CFAP206: variants seen among roughly 807,000 people sequenced by gnomAD.
CFAP206 encodes the protein cilia- and flagella-associated protein 206.
CFAP206 carries 53 observed loss-of-function variants against 65.4 expected under a neutral mutation model. That is an observed-to-expected ratio of 0.81 (90% CI 0.65 to 1.02). CFAP206 has a LOEUF of 1.02. Among genes scored for constraint, CFAP206 ranks in the 50% least tolerant of loss-of-function variants. CFAP206 has a pLI of 0.00. For synonymous variants in CFAP206, 250 were observed against 254.4 expected (o/e 0.98, Z 0.17); for missense variants, 663 against 753.2 (o/e 0.88, Z 1.40).
At chr6:87,440,589 G>T (rs147266294) in intron 11 of CFAP206, among the ~76,000 whole-genome samples, 13 of 152,242 alleles carry the variant, frequency 8.5e-5, no homozygotes, top group African/African-American at 3.1e-4. Flanking sequence ...TATGCAAAAT[G>T]AACAATTGCA....
At chr6:87,460,829 T>A (rs1480353513) in intron 11 of CFAP206, among the ~76,000 whole-genome samples, 193 bp from the exon 12 acceptor site, 1 of 152,156 alleles carries the variant, frequency 6.6e-6, no homozygotes, top group Admixed American at 6.5e-5. Flanking sequence ...CACGAAGCCA[T>A]AATTCCCAGA....
intron 9 of CFAP206, among the ~76,000 whole-genome samples, chr6:87,429,240 A>G (rs1403460230): frequency 6.6e-6 from 1 of 152,136 alleles, no homozygotes; most frequent in Non-Finnish European, 1.5e-5. Flanking sequence ...AAGAAAAAAA[A>G]AAAAAAAGCA....
chr6:87,440,820 T>G (rs1768349493), intron 11 of CFAP206, among the ~76,000 whole-genome samples: 1 of 152,204 alleles, frequency 6.6e-6, no homozygotes, highest in South Asian at 2.1e-4. Context: ...TTTTGGGTGG[T>G]ACTTGGAGAA....
rs1362997552 is a variant in CFAP206 at position 87,408,079 on chromosome 6, T to G, written c.-16T>G. ...AGACAGACACGGCTCCTGCTGTCGA[T>G]TCCGATCCAGGTCAGCCTACTCGGG... On this transcript the variant is annotated 5_prime_UTR_variant, in exon 1 of 13. Coordinates refer to ENST00000369562, the MANE Select transcript of CFAP206 (RefSeq NM_001031743.3). The G allele has an allele frequency of 1.0e-6, 1 of 985,288 alleles. No homozygotes were observed. Among genetic ancestry groups the G allele is most frequent in the Non-Finnish European group, 1.2e-6 (1 of 829,934 alleles). The allele number at this position is 985,288 out of a possible 1,614,324, so 61.0% of individuals were successfully genotyped here. A position where few individuals can be genotyped will look rare whatever the true frequency, so the allele number is the denominator to read the frequency against.
intron 11 of CFAP206, among the ~76,000 whole-genome samples, chr6:87,455,070 A>G (rs1465834055): frequency 1.3e-5 from 2 of 151,552 alleles, no homozygotes; most frequent in Admixed American, 1.3e-4. Context: ...TTACAGGCAT[A>G]CACCACCATG....
intron 11 of CFAP206, among the ~76,000 whole-genome samples, chr6:87,457,340 AAAGACCCTG>A (rs1768665200): frequency 6.6e-6 from 1 of 152,168 alleles, no homozygotes; most frequent in Admixed American, 6.5e-5. Flanking sequence ...TGGAACCACA[AAAGACCCTG>A]AATAGCCAAA....
intron 8 of CFAP206, among the ~76,000 whole-genome samples, chr6:87,427,219 G>A (rs1768057543): frequency 6.6e-6 from 1 of 152,106 alleles, no homozygotes; most frequent in African/African-American, 2.4e-5. Context: ...CTCACTGCAA[G>A]CTCCGCCTCC....
intron 5 of CFAP206, 41 bp from the exon 6 acceptor site, chr6:87,416,628 A>G (rs1170770634): frequency 1.3e-6 from 2 of 1,534,950 alleles, no homozygotes; most frequent in East Asian, 2.3e-5. Context: ...TCTTTATTCT[A>G]TCATTTTGTT....
At chr6:87,453,678 T>C (rs1449319644) in intron 11 of CFAP206, among the ~76,000 whole-genome samples, 3 of 152,132 alleles carry the variant, frequency 2.0e-5, no homozygotes, top group Admixed American at 2.0e-4. Flanking sequence ...TTTAAAATAA[T>C]GGGTTATAAG....
intron 7 of CFAP206, among the ~76,000 whole-genome samples, chr6:87,422,575 C>G (rs2127949730): frequency 6.6e-6 from 1 of 151,234 alleles, no homozygotes; most frequent in Non-Finnish European, 1.5e-5. Flanking sequence ...GATGGTGAAA[C>G]CCCGTCTCTA....
chr6:87,454,447 A>T (rs1341837060), intron 11 of CFAP206, among the ~76,000 whole-genome samples: 16 of 152,224 alleles, frequency 1.1e-4, no homozygotes, highest in African/African-American at 3.9e-4. Flanking sequence ...TCCTTAGCAC[A>T]TGGATCAGTC....
Position 87,464,197 on chromosome 6 carries a change from G to A in CFAP206, c.1816G>A (p.Glu606Lys), listed in dbSNP as rs1405987812. The change falls in exon 13 of 13, where the codon GAA (glutamate) becomes AAA (lysine). Residue 606 changes from glutamate to lysine, a missense_variant. Physicochemically the swap from Glu to Lys is moderately conservative, Grantham distance 56. Coordinates refer to ENST00000369562, the MANE Select transcript of CFAP206 (RefSeq NM_001031743.3). ...YLAGLRGGKS[E>K]ITDEVKVNLT... The stretch of plus-strand genomic sequence containing the variant: ...GGCTGGTCTTCGTGGAGGAAAGAGC[G>A]AAATCACCGATGAGGTCAAGGTGAA... 7 of 1,614,068 alleles carry A rather than the reference G, an allele frequency of 4.3e-6. No homozygotes were observed. The highest frequency in any genetic ancestry group is 3.3e-5 in the Admixed American group (2 of 60,002).
intron 7 of CFAP206, among the ~76,000 whole-genome samples, chr6:87,420,900 TCAAA>T (rs951671514): frequency 6.6e-5 from 10 of 152,242 alleles, no homozygotes; most frequent in Admixed American, 2.0e-4. Context: ...GATTCTCTGC[TCAAA>T]CAGTCTTTTT....
chr6:87,461,792 C>A (rs1366870977), intron 12 of CFAP206, among the ~76,000 whole-genome samples: 1 of 151,990 alleles, frequency 6.6e-6, no homozygotes, highest in Non-Finnish European at 1.5e-5. Flanking sequence ...TGGAAATAAA[C>A]AATGCCTACC....
In CFAP206 at chr6:87,432,125, G is replaced by A. The variant is rs1768169713; in HGVS notation, c.1300+952G>A. Among the ~76,000 whole-genome samples the A allele has an allele frequency of 3.9e-5, 6 of 151,962 alleles. No individual in the cohort carries two copies. In the South Asian group the frequency reaches 1.2e-3, roughly 32 times the overall value. On this transcript the variant is annotated intron_variant, in intron 10 of 12. Transcript: ENST00000369562. ...AAGATTGTGTCTTAATTTACTTTAC[G>A]CCATTAACCTTATTTTTCTTCTTTC...
intron 3 of CFAP206, among the ~76,000 whole-genome samples, chr6:87,412,305 C>T (rs1014276507): frequency 2.0e-5 from 3 of 152,026 alleles, no homozygotes; most frequent in African/African-American, 7.3e-5. Context: ...GTGTCCAATC[C>T]TCAGTCTTGC....
intron 6 of CFAP206, among the ~76,000 whole-genome samples, chr6:87,417,738 T>C (rs1305113291): frequency 6.6e-6 from 1 of 150,512 alleles, no homozygotes; most frequent in African/African-American, 2.5e-5. Flanking sequence ...ATCTTTTGTT[T>C]GAACTTGTTT....
intron 11 of CFAP206, among the ~76,000 whole-genome samples, chr6:87,459,448 G>C (rs1768704240): frequency 6.6e-6 from 1 of 152,120 alleles, no homozygotes; most frequent in African/African-American, 2.4e-5. Flanking sequence ...ATAGTTTTCA[G>C]AAATGGGTAA....
intron 11 of CFAP206, among the ~76,000 whole-genome samples, chr6:87,456,623 A>G (rs543235665): frequency 6.6e-6 from 1 of 152,164 alleles, no homozygotes; most frequent in African/African-American, 2.4e-5. Context: ...AAATCTTAAG[A>G]CTCCACCAAA....
Sources: gnomAD v4.1 joint callset for allele counts (sites outside exome capture counted in the v4.1 genomes callset) on GRCh38, gnomAD v4.1.1 for gene constraint, MANE v1.5 for transcripts, NCBI Gene and HGNC (gene_info 2026-07-23, HGNC 2026-07-21) for gene names.